Variants in DNAH14 observed in about 807,000 individuals in gnomAD.
The protein encoded by DNAH14 is axonemal beta dynein heavy chain 14.
A neutral mutation model predicts 520.9 loss-of-function variants in DNAH14; 478 were observed. The ratio of observed to expected loss-of-function variants is 0.92; its 90% CI spans 0.85 to 0.99. The LOEUF is 0.99. Ranked by LOEUF, DNAH14 falls within the 50% of genes least tolerant of loss-of-function variation. The probability of loss-of-function intolerance (pLI) is 0.00; values close to 1 mark genes in which losing one functional copy is unlikely to be tolerated. For synonymous variants in DNAH14, 1,581 were observed against 1,757.2 expected (o/e 0.90, Z 2.51); for missense variants, 4,831 against 5,234.5 (o/e 0.92, Z 2.38).
chr1:225,080,333 C>G (rs1447624353), intron 18 of DNAH14, 46 bp from the exon 19 acceptor site: 2 of 1,474,832 alleles, frequency 1.4e-6, no homozygotes, highest in East Asian at 2.5e-5. Context: ...ACAGTACGTT[C>G]TAGACATACT....
intron 7 of DNAH14, among the ~76,000 whole-genome samples, chr1:224,972,889 G>A (rs1401955300): frequency 6.6e-6 from 1 of 152,094 alleles, no homozygotes; most frequent in Non-Finnish European, 1.5e-5. Flanking sequence ...CCAGTACAGG[G>A]GTGATTAGAC....
chr1:224,996,622 C>T (rs75398222), intron 8 of DNAH14, among the ~76,000 whole-genome samples: 511 of 152,240 alleles, frequency 3.4e-3, no homozygotes, highest in East Asian at 6.2e-3. Flanking sequence ...TGGCTGGGCT[C>T]TAGTCTCTGG....
intron 38 of DNAH14, among the ~76,000 whole-genome samples, chr1:225,201,687 G>A (rs1327445018): frequency 1.3e-5 from 2 of 152,114 alleles, no homozygotes; most frequent in African/African-American, 2.4e-5. Flanking sequence ...GGTACCGGGG[G>A]TTGTCTGCAC....
At chr1:225,372,739 A>C (rs2095633397) in intron 77 of DNAH14, among the ~76,000 whole-genome samples, 1 of 152,220 alleles carries the variant, frequency 6.6e-6, no homozygotes, top group African/African-American at 2.4e-5. Flanking sequence ...TTATATGGTA[A>C]ATGGTGGCAA....
chr1:225,221,843 T>C (rs1305898340), intron 41 of DNAH14, among the ~76,000 whole-genome samples: 1 of 152,230 alleles, frequency 6.6e-6, no homozygotes, highest in Non-Finnish European at 1.5e-5. Context: ...TGTTTACTGA[T>C]GTTGTCCTAA....
chr1:225,104,879 A>T (rs9919164), intron 23 of DNAH14, among the ~76,000 whole-genome samples: 7,265 of 152,062 alleles, frequency 0.048, 500 homozygotes, highest in African/African-American at 0.15. Context: ...TTATGTCTCT[A>T]TGTCCTTCAG....
intron 36 of DNAH14, among the ~76,000 whole-genome samples, chr1:225,171,154 A>G (rs977424446): frequency 1.3e-5 from 2 of 152,224 alleles, no homozygotes; most frequent in African/African-American, 4.8e-5. Context: ...CTAAATGCCC[A>G]CAAGAGAAAG....
intron 42 of DNAH14, among the ~76,000 whole-genome samples, chr1:225,233,054 AGT>A (rs1263763254): frequency 2.6e-5 from 4 of 152,060 alleles, no homozygotes; most frequent in Non-Finnish European, 5.9e-5. Flanking sequence ...GAGAACATGT[AGT>A]GTTTGGTTTT....
chr1:225,335,778 T>C lies in DNAH14; in HGVS notation c.10081-1488T>C, dbSNP rs1329557424. On this transcript the variant is annotated intron_variant, in intron 66 of 85. Coordinates refer to ENST00000682510, the MANE Select transcript of DNAH14 (RefSeq NM_001367479.1). ...ATATACATACATGTGCATATGTGCA[T>C]ATATTCATAAGTACATCTATGTATA... Among the ~76,000 whole-genome samples the C allele has an allele frequency of 3.5e-5, 5 of 142,504 alleles. 2 individuals carry two copies. Among genetic ancestry groups the C allele is most frequent in the African/African-American group, 1.3e-4 (5 of 37,970 alleles). 93.5% of individuals were successfully genotyped at this position (142,504 alleles called of 152,430 possible).
At chr1:225,278,581 A>G (rs898858441) in intron 54 of DNAH14, among the ~76,000 whole-genome samples, 8 of 152,110 alleles carry the variant, frequency 5.3e-5, no homozygotes, top group Non-Finnish European at 1.0e-4. Context: ...ATATAATATT[A>G]CACATTAATT....
intron 64 of DNAH14, among the ~76,000 whole-genome samples, chr1:225,325,452 T>TC (rs1162345213): frequency 6.8e-6 from 1 of 146,680 alleles, no homozygotes. Context: ...ACCATTACAC[T>TC]CCAGCCTGGG....
At chr1:224,982,875 T>C (rs1371673681) in intron 8 of DNAH14, among the ~76,000 whole-genome samples, 1 of 152,258 alleles carries the variant, frequency 6.6e-6, no homozygotes, top group African/African-American at 2.4e-5. Flanking sequence ...GCCTATCATA[T>C]GGTCTATCTT....
chr1:224,998,503 G>A (rs941157363), intron 8 of DNAH14, among the ~76,000 whole-genome samples: 7 of 151,886 alleles, frequency 4.6e-5, no homozygotes, highest in African/African-American at 1.5e-4. Flanking sequence ...AATTTTCCTC[G>A]AGTCTTTCTC....
chr1:225,189,490 G>A (rs2085147346), intron 37 of DNAH14, among the ~76,000 whole-genome samples: 1 of 150,918 alleles, frequency 6.6e-6, no homozygotes, highest in African/African-American at 2.4e-5. Context: ...TTATCTACCA[G>A]TTGTAGTTGG....
In DNAH14 at chr1:225,152,656, G is replaced by T. The variant is rs1480742359; in HGVS notation, c.5010-41G>T. The T allele has an allele frequency of 2.0e-6, 3 of 1,478,490 alleles. No individual in the cohort carries two copies. The East Asian group carries it at 7.5e-5, about 37-fold the overall frequency. The allele number at this position is 1,478,490 out of a possible 1,614,324, so 91.6% of individuals were successfully genotyped here. A position where few individuals can be genotyped will look rare whatever the true frequency, so the allele number is the denominator to read the frequency against. ...TGTGATTCCTTATTTGAAAAATTGA[G>T]AAGTGGTGTTTTTATTGTTTGTTTT... On this transcript the variant is annotated intron_variant, in intron 32 of 85. Coordinates refer to ENST00000682510, the MANE Select transcript of DNAH14 (RefSeq NM_001367479.1).
At chr1:225,398,058 A>AAC (rs2096047260) in intron 84 of DNAH14, 1 of 151,914 alleles carries the variant, frequency 6.6e-6, no homozygotes, top group South Asian at 2.1e-4. Context: ...AAAAAAAAAA[A>AAC]AAAAAAAAAA....
rs1183796186 is a variant in DNAH14, at chr1:225,399,243, T to A, written c.13828T>A (p.Leu4610Met). Residue 4610 changes from leucine (L) to methionine (M), a missense_variant, in exon 86 of 86, where the codon TTG becomes ATG. Transcript: ENST00000682510. ...PSHWITMRVALLCEKNEK is the reference protein window; with the variant it reads ...PSHWITMRVAMLCEKNEK ...TCACTGGATCACAATGCGGGTTGCA[T>A]TGCTTTGTGAGAAGAATGAAAAATA... The A allele has an allele frequency of 2.6e-6, 4 of 1,551,326 alleles. No individual in the cohort carries two copies. Among genetic ancestry groups the A allele is most frequent in the Non-Finnish European group, 3.5e-6 (4 of 1,146,770 alleles).
intron 60 of DNAH14, among the ~76,000 whole-genome samples, chr1:225,310,672 C>A (rs1228639362): frequency 6.6e-6 from 1 of 152,100 alleles, no homozygotes; most frequent in African/African-American, 2.4e-5. Flanking sequence ...TGTTCAACTC[C>A]CATTTATGAG....
intron 79 of DNAH14, among the ~76,000 whole-genome samples, chr1:225,378,436 A>C (rs1488504246): frequency 6.6e-6 from 1 of 152,210 alleles, no homozygotes; most frequent in Non-Finnish European, 1.5e-5. Flanking sequence ...AAACAGTGTG[A>C]TGACAAAGTA....
Sources: gnomAD v4.1 joint callset for allele counts (sites outside exome capture counted in the v4.1 genomes callset) on GRCh38, gnomAD v4.1.1 for gene constraint, MANE v1.5 for transcripts, NCBI Gene and HGNC (gene_info 2026-07-23, HGNC 2026-07-21) for gene names.